SLC28A1: variants seen among roughly 807,000 people sequenced by gnomAD.
SLC28A1 encodes the protein sodium/nucleoside cotransporter 1.
A neutral mutation model predicts 74.8 loss-of-function variants in SLC28A1; 64 were observed. That is an observed-to-expected ratio of 0.86 (90% CI 0.70 to 1.05). SLC28A1 has a LOEUF of 1.05. Ranked by LOEUF, SLC28A1 falls within the 50% of genes least tolerant of loss-of-function variation. The pLI is 0.00. For synonymous variants in SLC28A1, 359 were observed against 335.0 expected (o/e 1.07, Z -0.78); for missense variants, 828 against 822.8 (o/e 1.01, Z -0.08).
Position 84,935,036 on chromosome 15 carries a change from A to C in SLC28A1, c.1225A>C (p.Asn409His). 1 of 1,614,024 alleles carries C rather than the reference A, an allele frequency of 6.2e-7. No homozygotes were observed. Among genetic ancestry groups the C allele is most frequent in the Non-Finnish European group, 8.5e-7 (1 of 1,179,874 alleles). Residue 409 changes from asparagine (N) to histidine (H), a missense_variant, in exon 14 of 19, where the codon AAC (asparagine) becomes CAC (histidine). By Grantham distance (68) the Asn-to-His change is moderately conservative. Around this residue, in one of 3 missense-constraint regions of SLC28A1, gnomAD observed 767 missense variants for 753.5 expected, o/e 1.02. Coordinates refer to ENST00000394573, the MANE Select transcript of SLC28A1 (RefSeq NM_004213.5). ...GVKLTYGDAQ[N>H]LIEAASTGAA... ...TGATCCCAACAACAGAGATGCTCAG[A>C]ACCTCATAGAAGCAGCCAGCACTGG...
chr15:84,918,814 C>T (rs1055213367), intron 10 of SLC28A1, among the ~76,000 whole-genome samples: 1 of 67,142 alleles, frequency 1.5e-5, no homozygotes. Context: ...GAATCCTTTG[C>T]TCCTGAGGCC....
intron 1 of SLC28A1, among the ~76,000 whole-genome samples, chr15:84,885,105 C>A (rs1173640745): frequency 1.3e-5 from 2 of 152,012 alleles, no homozygotes; most frequent in African/African-American, 2.4e-5. Flanking sequence ...ACTACAGGCA[C>A]CTGCCACCAT....
chr15:84,887,760 C>T lies in SLC28A1; in HGVS notation c.-1C>T. 1 of 1,613,778 alleles carries T rather than the reference C, an allele frequency of 6.2e-7. No individual in the cohort carries two copies. Among genetic ancestry groups the T allele is most frequent in the Non-Finnish European group, 8.5e-7 (1 of 1,179,702 alleles). Reference sequence around the variant, plus strand: ...TGTCTTTCAGCTGGAAGGTCTGGGACATGGAGAACGACCCCTCGAGACGAA... The same window carrying T: ...TGTCTTTCAGCTGGAAGGTCTGGGATATGGAGAACGACCCCTCGAGACGAA... On this transcript the variant is annotated 5_prime_UTR_variant, in exon 3 of 19. Coordinates refer to ENST00000394573, the MANE Select transcript of SLC28A1 (RefSeq NM_004213.5).
At chr15:84,906,553 TTTCTTTCTTTCTCTTTCTTTCTTCCTTC>T (rs1967204537) in intron 8 of SLC28A1, among the ~76,000 whole-genome samples, 2 of 88,652 alleles carry the variant, frequency 2.3e-5, no homozygotes, top group Non-Finnish European at 4.7e-5. Context: ...TCTTTCTTTC[TTTCTTTCTTTCTCTTTCTTTCTTCCTTC>T]CTTCCTTCCT....
chr15:84,886,396 A>T (rs1389199741), intron 1 of SLC28A1: 1 of 985,236 alleles, frequency 1.0e-6, no homozygotes, highest in East Asian at 1.1e-4. Flanking sequence ...GGGGAGGGAA[A>T]TAATCACATA....
the SLC28A1 span, among the ~76,000 whole-genome samples, chr15:84,955,251 T>C: frequency 2.0e-5 from 3 of 152,108 alleles, no homozygotes; most frequent in African/African-American, 7.2e-5. Context: ...TCCCCTTTGG[T>C]GCCCATCTAA....
chr15:84,900,285 A>ATG (rs1596240163), intron 6 of SLC28A1, among the ~76,000 whole-genome samples: 2 of 151,754 alleles, frequency 1.3e-5, no homozygotes, highest in Non-Finnish European at 2.9e-5. Context: ...AGCCGAGATC[A>ATG]CGCCACTGCA....
chr15:84,915,676 C>T (rs183288897), intron 9 of SLC28A1, among the ~76,000 whole-genome samples: 3 of 152,304 alleles, frequency 2.0e-5, no homozygotes, highest in East Asian at 1.9e-4. Context: ...CAGTCCTTAC[C>T]GTTCCAGAGT....
chr15:84,966,419 G>T, the SLC28A1 span, among the ~76,000 whole-genome samples: 1 of 152,112 alleles, frequency 6.6e-6, no homozygotes, highest in Non-Finnish European at 1.5e-5. Flanking sequence ...AGGCTGGTGT[G>T]TGCAATGGCA....
intron 5 of SLC28A1, 87 bp from the exon 6 acceptor site, chr15:84,894,853 G>A: frequency 2.3e-6 from 3 of 1,301,394 alleles, no homozygotes; most frequent in Non-Finnish European, 2.2e-6. Flanking sequence ...GCTCTGGGTG[G>A]AGTAAGGTGG....
In SLC28A1 at chr15:84,945,602, A is replaced by G; in HGVS notation, c.*402A>G. The G allele has an allele frequency of 6.6e-6, 2 of 303,044 alleles. No individual in the cohort carries two copies. Among genetic ancestry groups the G allele is most frequent in the South Asian group, 3.1e-5 (1 of 31,854 alleles). The allele number at this position is 303,044 out of a possible 1,614,324, so 18.8% of individuals were successfully genotyped here. On this transcript the variant is annotated 3_prime_UTR_variant, in exon 19 of 19. Transcript: ENST00000394573. ...CTCCCCTCCCCACTTCCTAGGCACT[A>G]GGATCTCTCTGTGGCTTCCCCTGCT...
At position 84,887,926 on chromosome 15, in the gene SLC28A1, A is replaced by T. The variant is rs537195497; in HGVS notation, c.96+70A>T. On this transcript the variant is annotated intron_variant, in intron 3 of 18. Transcript: ENST00000394573. ...TGGCTTGAGCCCGGCTGCCGAGGTGATGAGGCTTTTGCTCACCACCTTCCC... is the reference window on the plus strand; with the variant it reads ...TGGCTTGAGCCCGGCTGCCGAGGTGTTGAGGCTTTTGCTCACCACCTTCCC... The T allele has an allele frequency of 2.8e-4, 315 of 1,137,560 alleles. No individual in the cohort carries two copies. The Admixed American group carries it at 5.3e-3, about 19-fold the overall frequency. The allele number at this position is 1,137,560 out of a possible 1,614,324, so 70.5% of individuals were successfully genotyped here.
chr15:84,926,188 C>T (rs1296283875), intron 12 of SLC28A1, among the ~76,000 whole-genome samples: 1 of 151,444 alleles, frequency 6.6e-6, no homozygotes, highest in Non-Finnish European at 1.5e-5. Flanking sequence ...TAACTCCCCA[C>T]ATGACACCAA....
intron 12 of SLC28A1, among the ~76,000 whole-genome samples, chr15:84,931,787 A>ACGT: frequency 6.6e-6 from 1 of 151,950 alleles, no homozygotes; most frequent in East Asian, 1.9e-4. Flanking sequence ...GCAGATCACG[A>ACGT]GGTCAGGAGT....
At chr15:84,887,367 A>G (rs940834029) in intron 2 of SLC28A1, 6 of 985,306 alleles carry the variant, frequency 6.1e-6, no homozygotes, top group Non-Finnish European at 3.6e-6. Flanking sequence ...CAGAGTTCAC[A>G]AGGACTTGCC....
At chr15:84,897,995 A>C (rs1370329762) in intron 6 of SLC28A1, among the ~76,000 whole-genome samples, 1 of 152,210 alleles carries the variant, frequency 6.6e-6, no homozygotes, top group East Asian at 1.9e-4. Context: ...ATAATATTCC[A>C]TTGTGTATAT....
At chr15:84,954,690 T>C in the SLC28A1 span, among the ~76,000 whole-genome samples, 739 of 152,342 alleles carry the variant, frequency 4.9e-3, 3 homozygotes, top group African/African-American at 0.017. Flanking sequence ...ACTTAACCAT[T>C]GTAGCACGTT....
chr15:84,966,970 G>GAA, the SLC28A1 span, among the ~76,000 whole-genome samples: 2 of 151,976 alleles, frequency 1.3e-5, no homozygotes, highest in Admixed American at 1.3e-4. Context: ...TAAGAGATGG[G>GAA]GGGTCTTGCT....
chr15:84,966,236 C>G, the SLC28A1 span, among the ~76,000 whole-genome samples: 1 of 152,120 alleles, frequency 6.6e-6, no homozygotes, highest in Non-Finnish European at 1.5e-5. Context: ...CACCACCATG[C>G]CCAGCTAATT....
Sources: allele counts gnomAD v4.1 joint callset (sites outside exome capture counted in the v4.1 genomes callset), GRCh38; gene constraint gnomAD v4.1.1; regional missense constraint gnomAD v4.1.1; transcripts MANE v1.5; gene names NCBI Gene and HGNC (gene_info 2026-07-23, HGNC 2026-07-21).